CMSS1: variants seen among roughly 807,000 people sequenced by gnomAD.
CMSS1 encodes protein CMSS1.
In CMSS1, 33 loss-of-function variants were observed where a neutral mutation model predicts 43.5. The ratio of observed to expected loss-of-function variants is 0.76; its 90% confidence interval spans 0.57 to 1.01. The LOEUF (loss-of-function observed/expected upper bound fraction) is 1.01. CMSS1 is among the 50% of genes least tolerant of loss of function. The pLI is 0.00. For missense variants in CMSS1, 313 were observed against 326.4 expected, an observed-to-expected ratio of 0.96 and a Z score of 0.32; for synonymous variants, 115 against 117.2, an observed-to-expected ratio of 0.98 and a Z score of 0.12.
intron 2 of CMSS1, among the ~76,000 whole-genome samples, chr3:100,150,057 C>T (rs948380784): frequency 1.3e-5 from 2 of 152,126 alleles, no homozygotes. Context: ...CCTCCAACTC[C>T]CCTGTGGCCT....
At chr3:99,893,301 G>T (rs1706148177) in intron 1 of CMSS1, among the ~76,000 whole-genome samples, 1 of 151,832 alleles carries the variant, frequency 6.6e-6, no homozygotes, top group African/African-American at 2.4e-5. Context: ...GAGTAGCTGG[G>T]ACTACAGGCG....
intron 1 of CMSS1, among the ~76,000 whole-genome samples, chr3:99,819,073 T>C (rs1206848768): frequency 6.6e-6 from 1 of 152,256 alleles, no homozygotes; most frequent in African/African-American, 2.4e-5. Context: ...GCAAACAATC[T>C]TGAAATACTA....
At chr3:99,997,878 C>G (rs984818445) in intron 1 of CMSS1, among the ~76,000 whole-genome samples, 2 of 152,128 alleles carry the variant, frequency 1.3e-5, no homozygotes, top group African/African-American at 2.4e-5. Context: ...AAAATGTAAA[C>G]TAAAGTATAA....
At chr3:99,920,940 T>A (rs1707105864) in intron 1 of CMSS1, among the ~76,000 whole-genome samples, 1 of 152,220 alleles carries the variant, frequency 6.6e-6, no homozygotes, top group South Asian at 2.1e-4. Flanking sequence ...GCAGTAAACC[T>A]TTACCGTGTT....
At chr3:99,837,387 A>G (rs1443026603) in intron 1 of CMSS1, among the ~76,000 whole-genome samples, 1 of 152,170 alleles carries the variant, frequency 6.6e-6, no homozygotes, top group Non-Finnish European at 1.5e-5. Context: ...GAACACCATG[A>G]AAAGGCATAA....
chr3:100,145,137 A>G (rs2066837629), intron 1 of CMSS1, among the ~76,000 whole-genome samples: 1 of 152,078 alleles, frequency 6.6e-6, no homozygotes, highest in Admixed American at 6.6e-5. Flanking sequence ...CTCATGCTAC[A>G]CACTTAAGAG....
chr3:100,014,645 G>A (rs1023624737), intron 1 of CMSS1, among the ~76,000 whole-genome samples: 2 of 151,924 alleles, frequency 1.3e-5, no homozygotes, highest in Non-Finnish European at 2.9e-5. Context: ...CTTCTTTTGA[G>A]AAATGTCTTT....
At chr3:99,885,077 A>G (rs1705849886) in intron 1 of CMSS1, among the ~76,000 whole-genome samples, 1 of 152,224 alleles carries the variant, frequency 6.6e-6, no homozygotes, top group East Asian at 1.9e-4. Context: ...GCAGTCAACT[A>G]TAGGCTCAGT....
At chr3:99,926,047 AT>A in intron 1 of CMSS1, 1 of 183,932 alleles carries the variant, frequency 5.4e-6, no homozygotes, top group Non-Finnish European at 1.0e-5. Context: ...GATAATGTTG[AT>A]TGATTTTTAC....
intron 1 of CMSS1, among the ~76,000 whole-genome samples, chr3:100,053,086 T>A (rs906912729): frequency 1.3e-5 from 2 of 152,178 alleles, no homozygotes; most frequent in Non-Finnish European, 2.9e-5. Context: ...GTTGACAGTA[T>A]GCTTCCTGTG....
chr3:100,086,039 A>G (rs992151230), intron 1 of CMSS1, among the ~76,000 whole-genome samples: 2 of 152,242 alleles, frequency 1.3e-5, no homozygotes, highest in African/African-American at 2.4e-5. Context: ...TGAATAAAAT[A>G]TGATTCGTGT....
At chr3:100,108,944 T>A (rs1576072502) in intron 1 of CMSS1, among the ~76,000 whole-genome samples, 2 of 152,234 alleles carry the variant, frequency 1.3e-5, no homozygotes, top group South Asian at 4.1e-4. Flanking sequence ...TTTCGCAACA[T>A]GGCATTTGGA....
At chr3:100,109,511 A>T (rs1043875365) in intron 1 of CMSS1, among the ~76,000 whole-genome samples, 8 of 152,084 alleles carry the variant, frequency 5.3e-5, no homozygotes, top group Non-Finnish European at 1.2e-4. Flanking sequence ...GTTGGCAACC[A>T]CTGATGTGTT....
intron 1 of CMSS1, among the ~76,000 whole-genome samples, chr3:100,097,586 A>C (rs1205327675): frequency 1.3e-5 from 2 of 152,122 alleles, no homozygotes; most frequent in African/African-American, 2.4e-5. Flanking sequence ...ATATATATAC[A>C]TGTTTTGTTG....
At chr3:99,986,697 A>G (rs1709351667) in intron 1 of CMSS1, among the ~76,000 whole-genome samples, 1 of 152,198 alleles carries the variant, frequency 6.6e-6, no homozygotes, top group Admixed American at 6.5e-5. Context: ...GAAGGAGGAG[A>G]ATGGTTCTTC....
At chr3:100,154,000 G>C (rs1369470071) in intron 2 of CMSS1, among the ~76,000 whole-genome samples, 1 of 151,960 alleles carries the variant, frequency 6.6e-6, no homozygotes, top group Non-Finnish European at 1.5e-5. Flanking sequence ...ACAGGCATCT[G>C]CCATCATGCC....
At chr3:100,160,347 C>G (rs1474353547) in intron 2 of CMSS1, 83 bp from the exon 3 acceptor site, 2 of 699,374 alleles carry the variant, frequency 2.9e-6, no homozygotes, top group East Asian at 5.5e-5. Context: ...ACATGCATGG[C>G]AGAAAGTACT....
At chr3:99,851,172 G>A in intron 1 of CMSS1, 9 of 952,322 alleles carry the variant, frequency 9.5e-6, no homozygotes, top group African/African-American at 1.7e-5. Flanking sequence ...AATTATATGA[G>A]CTGTGTCAGT....
At chr3:99,989,870 A>G (rs1428916485) in intron 1 of CMSS1, among the ~76,000 whole-genome samples, 2 of 152,134 alleles carry the variant, frequency 1.3e-5, no homozygotes, top group Non-Finnish European at 2.9e-5. Flanking sequence ...TATGTAGTCA[A>G]TGTTAAGATT....
Sources: gnomAD v4.1 joint callset for allele counts (sites outside exome capture counted in the v4.1 genomes callset) on GRCh38, gnomAD v4.1.1 for gene constraint, MANE v1.5 for transcripts, NCBI Gene and HGNC (gene_info 2026-07-23, HGNC 2026-07-21) for gene names.